The following OSBP2 variants were observed in gnomAD, a reference collection of about 807,000 sequenced individuals.
OSBP2 encodes oxysterol-binding protein 2.
A neutral mutation model predicts 96.0 loss-of-function variants in OSBP2; 66 were observed. The observed-to-expected ratio is 0.69, with a 90% confidence interval of 0.56 to 0.84. The LOEUF (loss-of-function observed/expected upper bound fraction) is 0.84. Ranked by LOEUF, OSBP2 falls within the 40% of genes least tolerant of loss-of-function variation. OSBP2 has a pLI of 0.00. For missense variants in OSBP2, 1,038 were observed against 1,222.7 expected, an observed-to-expected ratio of 0.85 and a Z score of 2.25; for synonymous variants, 525 against 520.9, an observed-to-expected ratio of 1.01 and a Z score of -0.11.
chr22:30,880,783 T>C (rs372230388), intron 3 of OSBP2, among the ~76,000 whole-genome samples: 5 of 152,206 alleles, frequency 3.3e-5, no homozygotes, highest in Non-Finnish European at 7.4e-5. Flanking sequence ...TTTGTCCTCC[T>C]CTTCCTGGGG....
intron 2 of OSBP2, among the ~76,000 whole-genome samples, chr22:30,867,337 C>T (rs1008419547): frequency 6.6e-6 from 1 of 152,222 alleles, no homozygotes; most frequent in African/African-American, 2.4e-5. Context: ...TCTCCCCTTT[C>T]CAACCTACTC....
At chr22:30,806,786 C>T (rs1380135311) in intron 2 of OSBP2, among the ~76,000 whole-genome samples, 1 of 152,138 alleles carries the variant, frequency 6.6e-6, no homozygotes, top group Non-Finnish European at 1.5e-5. Context: ...TGGACAGCTC[C>T]TTTTTCTCCC....
chr22:30,839,283 A>G (rs1330233546), intron 2 of OSBP2, among the ~76,000 whole-genome samples: 1 of 146,332 alleles, frequency 6.8e-6, no homozygotes, highest in African/African-American at 2.6e-5. Context: ...AGTCTTTGCT[A>G]TTGTGAATAG....
At chr22:30,900,914 T>A (rs1024877354) in intron 12 of OSBP2, among the ~76,000 whole-genome samples, 1 of 152,252 alleles carries the variant, frequency 6.6e-6, no homozygotes, top group Non-Finnish European at 1.5e-5. Flanking sequence ...TGAGAACTTT[T>A]ACTCACTAAA....
chr22:30,891,678 C>T (rs1391239028), intron 8 of OSBP2, among the ~76,000 whole-genome samples: 7 of 151,822 alleles, frequency 4.6e-5, no homozygotes, highest in Middle Eastern at 3.4e-3. Context: ...AGAACACAGG[C>T]AGCTTTTGAA....
At chr22:30,707,903 T>C (rs537746945) in intron 1 of OSBP2, among the ~76,000 whole-genome samples, 2 of 151,852 alleles carry the variant, frequency 1.3e-5, no homozygotes, top group Admixed American at 6.6e-5. Flanking sequence ...CTTTTTTTTT[T>C]TGAGACAGAG....
At chr22:30,897,222 C>G (rs948546505) in intron 12 of OSBP2, among the ~76,000 whole-genome samples, 3 of 152,160 alleles carry the variant, frequency 2.0e-5, no homozygotes, top group Non-Finnish European at 4.4e-5. Flanking sequence ...AGACAAAGCA[C>G]ATATTGATAC....
At chr22:30,732,622 C>T (rs1167982500) in intron 1 of OSBP2, among the ~76,000 whole-genome samples, 4 of 152,184 alleles carry the variant, frequency 2.6e-5, no homozygotes, top group Non-Finnish European at 5.9e-5. Context: ...CCAGCTGATC[C>T]CAAGTGTGTG....
intron 12 of OSBP2, among the ~76,000 whole-genome samples, chr22:30,904,595 A>AATATAT (rs531519651): frequency 2.1e-4 from 31 of 149,920 alleles, no homozygotes; most frequent in African/African-American, 7.3e-4. Flanking sequence ...ACATAATTAA[A>AATATAT]ATATATATAT....
chr22:30,699,145 A>T (rs962204313), intron 1 of OSBP2, among the ~76,000 whole-genome samples: 7 of 151,714 alleles, frequency 4.6e-5, no homozygotes, highest in Non-Finnish European at 8.8e-5. Context: ...AGGTTTCGTT[A>T]TGTTGGCCAG....
At chr22:30,858,781 A>C (rs2039140802) in intron 2 of OSBP2, among the ~76,000 whole-genome samples, 1 of 151,668 alleles carries the variant, frequency 6.6e-6, no homozygotes, top group Non-Finnish European at 1.5e-5. Context: ...CAGGAGGCTG[A>C]GGCAGGAGAA....
At chr22:30,843,211 A>C (rs1008983358) in intron 2 of OSBP2, among the ~76,000 whole-genome samples, 1 of 152,212 alleles carries the variant, frequency 6.6e-6, no homozygotes, top group African/African-American at 2.4e-5. Flanking sequence ...GTTGGAATCA[A>C]CTTCTTCCAA....
intron 2 of OSBP2, among the ~76,000 whole-genome samples, chr22:30,764,681 C>G (rs2090248820): frequency 6.6e-6 from 1 of 152,134 alleles, no homozygotes; most frequent in South Asian, 2.1e-4. Flanking sequence ...TGGCCACTGC[C>G]TCTGTCCTCA....
At chr22:30,774,461 T>C (rs891694887) in intron 2 of OSBP2, among the ~76,000 whole-genome samples, 1 of 152,254 alleles carries the variant, frequency 6.6e-6, no homozygotes, top group Non-Finnish European at 1.5e-5. Context: ...GTTTGTGTTA[T>C]GAATGCGCCA....
At chr22:30,748,243 G>A (rs1452364480) in intron 2 of OSBP2, among the ~76,000 whole-genome samples, 6 of 150,952 alleles carry the variant, frequency 4.0e-5, no homozygotes, top group Admixed American at 3.3e-4. Context: ...GTGCAGTGGC[G>A]CGATCTTGGC....
intron 1 of OSBP2, among the ~76,000 whole-genome samples, chr22:30,708,545 A>G (rs755546237): frequency 1.7e-5 from 2 of 120,872 alleles, no homozygotes; most frequent in Non-Finnish European, 3.2e-5. Flanking sequence ...CTGGAGTGCA[A>G]TGGCATGATC....
In OSBP2 at chr22:30,694,900, G is replaced by A. The variant is rs537509321; in HGVS notation, c.-10G>A. ...CTGGCCGCTCGGCCGCGCGCGGGTC[G>A]GCCGGCTCTATGGGGAAAGCGGCGG... On this transcript the variant is annotated 5_prime_UTR_variant, in exon 1 of 14. Transcript: ENST00000332585. The A allele has an allele frequency of 2.1e-5, 27 of 1,290,922 alleles. No individual in the cohort carries two copies. Among genetic ancestry groups the A allele is most frequent in the African/African-American group, 4.7e-5 (3 of 63,842 alleles). 80.0% of individuals were successfully genotyped at this position (1,290,922 alleles called of 1,614,324 possible).
intron 2 of OSBP2, among the ~76,000 whole-genome samples, chr22:30,829,561 G>A (rs1243605018): frequency 6.6e-6 from 1 of 152,146 alleles, no homozygotes; most frequent in Non-Finnish European, 1.5e-5. Flanking sequence ...GGGATTACAG[G>A]CGTGAACCAA....
intron 1 of OSBP2, among the ~76,000 whole-genome samples, chr22:30,698,713 C>T (rs1287048377): frequency 1.3e-5 from 2 of 152,106 alleles, no homozygotes; most frequent in Admixed American, 1.3e-4. Context: ...GCTGGGATTA[C>T]AGGCATGAGC....
Sources: gnomAD v4.1 joint callset for allele counts (sites outside exome capture counted in the v4.1 genomes callset) on GRCh38, gnomAD v4.1.1 for gene constraint, MANE v1.5 for transcripts, NCBI Gene and HGNC (gene_info 2026-07-23, HGNC 2026-07-21) for gene names.